The following DPP10 variants were observed in gnomAD, a reference collection of about 807,000 sequenced individuals.
The protein encoded by DPP10 is dipeptidyl peptidase like 10.
A neutral mutation model predicts 120.9 loss-of-function variants in DPP10; 33 were observed. The observed-to-expected ratio is 0.27, with a 90% CI of 0.21 to 0.37. The LOEUF (loss-of-function observed/expected upper bound fraction) is 0.37, where lower values mean the gene tolerates loss of function less well. Among genes scored for constraint, DPP10 ranks in the 10% least tolerant of loss-of-function variants. The probability of loss-of-function intolerance (pLI) is 1.00; values close to 1 mark genes in which losing one functional copy is unlikely to be tolerated. For synonymous variants in DPP10, 337 were observed against 326.1 expected (o/e 1.03, Z -0.36); for missense variants, 816 against 942.8 (o/e 0.87, Z 1.76).
chr2:115,173,051 A>T (rs547657780), intron 1 of DPP10, among the ~76,000 whole-genome samples: 2 of 152,206 alleles, frequency 1.3e-5, no homozygotes, highest in Non-Finnish European at 2.9e-5. Context: ...TTATATTTTG[A>T]AAATGGAAAA....
At chr2:115,075,652 C>A (rs1227365079) in intron 1 of DPP10, among the ~76,000 whole-genome samples, 1 of 150,218 alleles carries the variant, frequency 6.7e-6, no homozygotes, top group East Asian at 1.9e-4. Context: ...ACATTTGAGG[C>A]TTATTAGCTC....
chr2:115,546,382 C>G (rs2079502481), intron 5 of DPP10, among the ~76,000 whole-genome samples: 1 of 152,124 alleles, frequency 6.6e-6, no homozygotes, highest in African/African-American at 2.4e-5. Flanking sequence ...GTTGTATTTG[C>G]CAGTTGTCCT....
intron 1 of DPP10, among the ~76,000 whole-genome samples, chr2:114,697,303 C>T (rs548427856): frequency 2.6e-5 from 4 of 152,080 alleles, no homozygotes; most frequent in Admixed American, 2.6e-4. Context: ...TTGAGCCAAT[C>T]ACATTGATGG....
intron 1 of DPP10, among the ~76,000 whole-genome samples, chr2:114,794,276 C>G (rs1473806345): frequency 6.6e-6 from 1 of 152,124 alleles, no homozygotes; most frequent in Non-Finnish European, 1.5e-5. Context: ...AGCCATGATG[C>G]TTAGAGAACT....
intron 3 of DPP10, among the ~76,000 whole-genome samples, chr2:115,469,899 AG>A (rs201580523): frequency 0.33 from 36,454 of 112,024 alleles, 7,153 homozygotes; most frequent in Non-Finnish European, 0.47. Flanking sequence ...AAAAAAAAAA[AG>A]AAAAAAAAAA....
chr2:114,973,158 A>G (rs1191199902), intron 1 of DPP10, among the ~76,000 whole-genome samples: 1 of 152,172 alleles, frequency 6.6e-6, no homozygotes, highest in Non-Finnish European at 1.5e-5. Context: ...TAGTGACATC[A>G]CAGCTGTCTT....
At chr2:114,967,103 A>G (rs913357686) in intron 1 of DPP10, among the ~76,000 whole-genome samples, 6 of 152,140 alleles carry the variant, frequency 3.9e-5, no homozygotes, top group Admixed American at 6.6e-5. Context: ...CAGCAGGGTC[A>G]GTAATATTTT....
At chr2:115,693,901 C>T (rs1575542254) in intron 7 of DPP10, among the ~76,000 whole-genome samples, 1 of 152,148 alleles carries the variant, frequency 6.6e-6, no homozygotes, top group Middle Eastern at 3.4e-3. Flanking sequence ...TTCTAAAGCA[C>T]TTTGAATAGT....
At chr2:115,791,002 G>T (rs1683909369) in intron 17 of DPP10, 79 bp from the exon 18 acceptor site, 1 of 976,080 alleles carries the variant, frequency 1.0e-6, no homozygotes, top group South Asian at 1.6e-5. Flanking sequence ...GTAACAAGTG[G>T]ATAATTTTTT....
chr2:114,995,387 G>A (rs535679694), intron 1 of DPP10, among the ~76,000 whole-genome samples: 1 of 150,794 alleles, frequency 6.6e-6, no homozygotes, highest in South Asian at 2.1e-4. Flanking sequence ...CATTTTGGTT[G>A]AATTGAACCT....
At chr2:114,695,388 A>G (rs1435005384) in intron 1 of DPP10, among the ~76,000 whole-genome samples, 2 of 152,100 alleles carry the variant, frequency 1.3e-5, no homozygotes, top group Non-Finnish European at 2.9e-5. Flanking sequence ...TGCCTAACAC[A>G]GTGCTGAGTC....
intron 1 of DPP10, among the ~76,000 whole-genome samples, chr2:115,063,026 A>G (rs891465349): frequency 1.3e-5 from 2 of 152,164 alleles, no homozygotes; most frequent in Admixed American, 6.5e-5. Context: ...AAGCGTTCCT[A>G]TTGGTCCACA....
At chr2:114,789,167 T>TACGGATACTCG (rs11273617) in intron 1 of DPP10, among the ~76,000 whole-genome samples, 1 of 151,924 alleles carries the variant, frequency 6.6e-6, no homozygotes, top group Non-Finnish European at 1.5e-5. Context: ...GCGCCATCAC[T>TACGGATACTCG]GGGATAGTTT....
At chr2:114,535,501 T>C (rs533622810) in intron 1 of DPP10, among the ~76,000 whole-genome samples, 2 of 152,266 alleles carry the variant, frequency 1.3e-5, no homozygotes, top group East Asian at 3.9e-4. Flanking sequence ...ATTAATCCCA[T>C]TGCACCCCCA....
intron 1 of DPP10, among the ~76,000 whole-genome samples, chr2:114,750,612 C>T (rs1170054457): frequency 2.0e-5 from 3 of 152,298 alleles, no homozygotes; most frequent in Non-Finnish European, 2.9e-5. Flanking sequence ...GGAATACAGG[C>T]GTGAGCCACC....
chr2:115,067,592 G>C (rs1312849462), intron 1 of DPP10, among the ~76,000 whole-genome samples: 1 of 144,574 alleles, frequency 6.9e-6, no homozygotes, highest in Admixed American at 6.8e-5. Context: ...GGCCGGGCGC[G>C]GTGGCTCACG....
intron 1 of DPP10, among the ~76,000 whole-genome samples, chr2:114,465,805 G>A (rs10167737): frequency 0.06 from 9,088 of 152,134 alleles, 853 homozygotes; most frequent in African/African-American, 0.21. Flanking sequence ...AGTAATTAGC[G>A]TCTCCATCAC....
In DPP10 at chr2:114,900,964, C is replaced by G. The variant is rs56081194; in HGVS notation, c.61-408275C>G. ...ACTCAGACTAACTTATTAAAACATG[C>G]CTAAACAGGATCTAGTTTGAGGCAC... On this transcript the variant is annotated intron_variant, in intron 1 of 25. Coordinates refer to ENST00000410059, the MANE Select transcript of DPP10 (RefSeq NM_020868.6). Among the ~76,000 whole-genome samples the G allele has an allele frequency of 5.6e-3, 857 of 152,018 alleles. 1 individual carries two copies. The highest frequency in any genetic ancestry group is 6.8e-3 in the Non-Finnish European group (464 of 67,990).
At chr2:114,755,938 G>A (rs1679694492) in intron 1 of DPP10, among the ~76,000 whole-genome samples, 1 of 141,466 alleles carries the variant, frequency 7.1e-6, no homozygotes, top group South Asian at 2.3e-4. Flanking sequence ...CTGAGACAGT[G>A]CTAGGAAGAA....
Sources: allele counts gnomAD v4.1 joint callset (sites outside exome capture counted in the v4.1 genomes callset), GRCh38; gene constraint gnomAD v4.1.1; transcripts MANE v1.5; gene names NCBI Gene and HGNC (gene_info 2026-07-23, HGNC 2026-07-21).